GRAMD2B: variants seen among roughly 807,000 people sequenced by gnomAD.
GRAMD2B encodes GRAM domain-containing protein 2B.
In GRAMD2B, 41 loss-of-function variants were observed where a neutral mutation model predicts 59.2. The observed-to-expected ratio is 0.69, with a 90% CI of 0.54 to 0.90. The LOEUF is 0.90. Ranked by LOEUF, GRAMD2B falls within the 40% of genes least tolerant of loss-of-function variation. GRAMD2B has a pLI of 0.00. For missense variants in GRAMD2B, 424 were observed against 500.5 expected (o/e 0.85, Z 1.46); for synonymous variants, 161 against 182.7 (o/e 0.88, Z 0.96).
intron 8 of GRAMD2B, among the ~76,000 whole-genome samples, chr5:126,482,723 G>A (rs912172662): frequency 2.6e-5 from 4 of 152,206 alleles, no homozygotes; most frequent in Admixed American, 1.3e-4. Context: ...TTGGTAATTT[G>A]CTTACAAGAT....
intron 1 of GRAMD2B, among the ~76,000 whole-genome samples, chr5:126,415,496 GAGGAAGGAAGCCAGGA>G (rs1420030059): frequency 6.6e-6 from 1 of 152,112 alleles, no homozygotes; most frequent in African/African-American, 2.4e-5. Context: ...ATGTTTTTGG[GAGGAAGGAAGCCAGGA>G]AGGAAGGAAG....
chr5:126,414,835 T>C (rs1335972333), intron 1 of GRAMD2B, among the ~76,000 whole-genome samples: 1 of 152,190 alleles, frequency 6.6e-6, no homozygotes, highest in African/African-American at 2.4e-5. Context: ...GTAAATGCAC[T>C]TATCTTCTCA....
At chr5:126,368,388 A>T (rs561001387), upstream of GRAMD2B, among the ~76,000 whole-genome samples, 1 of 152,378 alleles carries the variant, frequency 6.6e-6, no homozygotes, top group Non-Finnish European at 1.5e-5. Context: ...AAGCTGTCAG[A>T]ATTCACATTT....
intron 1 of GRAMD2B, among the ~76,000 whole-genome samples, chr5:126,450,688 C>T (rs950642479): frequency 1.3e-5 from 2 of 148,156 alleles, no homozygotes; most frequent in Admixed American, 6.7e-5. Flanking sequence ...ATGTTGCTCA[C>T]TCTGTCCCGG....
intron 1 of GRAMD2B, among the ~76,000 whole-genome samples, chr5:126,411,273 T>C (rs1353513007): frequency 6.6e-6 from 1 of 152,114 alleles, no homozygotes; most frequent in African/African-American, 2.4e-5. Flanking sequence ...TTGAGTTAAT[T>C]TGTGTATATG....
At chr5:126,385,712 A>G (rs1232632923) in intron 1 of GRAMD2B, among the ~76,000 whole-genome samples, 1 of 152,234 alleles carries the variant, frequency 6.6e-6, no homozygotes, top group African/African-American at 2.4e-5. Context: ...TATGTTGCTT[A>G]TAATCAGAAA....
chr5:126,467,278 AATT>A (rs1205474831), intron 2 of GRAMD2B, among the ~76,000 whole-genome samples: 4 of 151,942 alleles, frequency 2.6e-5, no homozygotes, highest in Non-Finnish European at 4.4e-5. Flanking sequence ...TCTATATAAA[AATT>A]ATTAATTAAT....
intron 1 of GRAMD2B, among the ~76,000 whole-genome samples, chr5:126,435,906 G>A (rs979463748): frequency 3.3e-5 from 5 of 152,092 alleles, no homozygotes; most frequent in African/African-American, 4.8e-5. Flanking sequence ...CCTCTTACAC[G>A]TTTATAGATA....
At chr5:126,485,795 G>A (rs758197528) in intron 11 of GRAMD2B, 22 bp downstream of exon 11, 5 of 1,379,056 alleles carry the variant, frequency 3.6e-6, no homozygotes, top group Non-Finnish European at 4.1e-6. Context: ...AATTTACTGT[G>A]AGTGACTAAG....
At chr5:126,375,464 G>T (rs1437589007) in intron 1 of GRAMD2B, among the ~76,000 whole-genome samples, 1 of 151,868 alleles carries the variant, frequency 6.6e-6, no homozygotes, top group Non-Finnish European at 1.5e-5. Flanking sequence ...TGCCTTCCTG[G>T]GTTCACACCA....
chr5:126,402,142 C>T (rs559568188), intron 1 of GRAMD2B, among the ~76,000 whole-genome samples: 1 of 152,198 alleles, frequency 6.6e-6, no homozygotes, highest in South Asian at 2.1e-4. Flanking sequence ...TCAGCACTCA[C>T]ATCCAGTGCC....
intron 12 of GRAMD2B, 39 bp downstream of exon 12, chr5:126,487,016 C>A: frequency 9.4e-7 from 1 of 1,068,642 alleles, no homozygotes; most frequent in Non-Finnish European, 1.5e-6. Context: ...GCTTGCCATT[C>A]TGCTTAATAT....
At chr5:126,426,713 G>A (rs989634280) in intron 1 of GRAMD2B, among the ~76,000 whole-genome samples, 4 of 152,132 alleles carry the variant, frequency 2.6e-5, no homozygotes, top group South Asian at 2.1e-4. Flanking sequence ...ACTGTAATAC[G>A]CTTGTAGCTG....
chr5:126,486,161 GCATATCC>G (rs1436962141), intron 11 of GRAMD2B, among the ~76,000 whole-genome samples: 1 of 152,126 alleles, frequency 6.6e-6, no homozygotes, highest in African/African-American at 2.4e-5. Context: ...CGGGTAATTA[GCATATCC>G]ATCACCCTTA....
chr5:126,416,312 A>G (rs1759260467), intron 1 of GRAMD2B, among the ~76,000 whole-genome samples: 1 of 152,116 alleles, frequency 6.6e-6, no homozygotes, highest in Non-Finnish European at 1.5e-5. Context: ...AATTATTGTC[A>G]TATTTCTTTT....
chr5:126,405,184 T>A (rs1271742108), intron 1 of GRAMD2B, among the ~76,000 whole-genome samples: 1 of 151,890 alleles, frequency 6.6e-6, no homozygotes, highest in Non-Finnish European at 1.5e-5. Context: ...TGGGAAGAAC[T>A]GGTAGTTGAG....
upstream of GRAMD2B, among the ~76,000 whole-genome samples, chr5:126,369,554 G>A (rs1049512655): frequency 1.9e-4 from 29 of 152,040 alleles, no homozygotes; most frequent in African/African-American, 6.5e-4. Flanking sequence ...CAGTTATGTA[G>A]ACTGTTTTTT....
chr5:126,481,579 G>A (rs1011790761), intron 8 of GRAMD2B, among the ~76,000 whole-genome samples: 11 of 152,102 alleles, frequency 7.2e-5, no homozygotes, highest in African/African-American at 2.4e-4. Context: ...ATTCATCATA[G>A]CCAAAAGGTG....
chr5:126,394,137 T>C (rs1580773718), intron 1 of GRAMD2B, among the ~76,000 whole-genome samples: 1 of 149,550 alleles, frequency 6.7e-6, no homozygotes, highest in Admixed American at 6.7e-5. Context: ...TAGCCGGGAG[T>C]GGTGGCGGGT....
Sources: gnomAD v4.1 joint callset for allele counts (sites outside exome capture counted in the v4.1 genomes callset) on GRCh38, gnomAD v4.1.1 for gene constraint, MANE v1.5 for transcripts, NCBI Gene and HGNC (gene_info 2026-07-23, HGNC 2026-07-21) for gene names.